The following TENM3 variants were observed in gnomAD, a reference collection of about 807,000 sequenced individuals.
TENM3 encodes teneurin-3.
In TENM3, 63 loss-of-function variants were observed where a neutral mutation model predicts 255.1. The observed-to-expected ratio is 0.25, with a 90% confidence interval of 0.20 to 0.30. TENM3 has a LOEUF of 0.30. Ranked by LOEUF, TENM3 falls within the 10% of genes least tolerant of loss-of-function variation. The pLI is 1.00. For synonymous variants in TENM3, 1,306 were observed against 1,322.3 expected (o/e 0.99, Z 0.27); for missense variants, 2,929 against 3,461.1 (o/e 0.85, Z 3.86).
chr4:181,901,298 C>T, the TENM3 span, among the ~76,000 whole-genome samples: 1 of 152,200 alleles, frequency 6.6e-6, no homozygotes, highest in Non-Finnish European at 1.5e-5. Context: ...CTACTCACGC[C>T]ACCCTAGTAA....
At chr4:181,721,599 CAAAAAAAAAAAAAAAAAA>C in the TENM3 span, among the ~76,000 whole-genome samples, 1 of 25,590 alleles carries the variant, frequency 3.9e-5, no homozygotes, top group Non-Finnish European at 6.7e-5. Context: ...GACTCCGTCT[CAAAAAAAAAAAAAAAAAA>C]AAAAAAAAGA....
the TENM3 span, among the ~76,000 whole-genome samples, chr4:182,121,952 C>A: frequency 6.6e-6 from 1 of 152,242 alleles, no homozygotes; most frequent in African/African-American, 2.4e-5. Flanking sequence ...AACCTTTCCA[C>A]TGCTTTATCA....
the TENM3 span, among the ~76,000 whole-genome samples, chr4:181,936,887 G>A: frequency 2.2e-3 from 342 of 152,166 alleles, 2 homozygotes; most frequent in African/African-American, 7.7e-3. Flanking sequence ...CGCAAAGGGG[G>A]AAAAGAAAAC....
chr4:181,945,709 A>G, the TENM3 span, among the ~76,000 whole-genome samples: 3 of 152,048 alleles, frequency 2.0e-5, no homozygotes, highest in Non-Finnish European at 2.9e-5. Flanking sequence ...GGCTTTTTAT[A>G]TTTCGTTAAT....
At chr4:182,532,625 A>T (rs965749380) in intron 3 of TENM3, among the ~76,000 whole-genome samples, 1 of 152,216 alleles carries the variant, frequency 6.6e-6, no homozygotes, top group Non-Finnish European at 1.5e-5. Flanking sequence ...CTTTCTGGCC[A>T]TTAGGGTACC....
At chr4:182,645,414 G>A (rs185832147) in intron 5 of TENM3, among the ~76,000 whole-genome samples, 62 of 152,188 alleles carry the variant, frequency 4.1e-4, no homozygotes, top group African/African-American at 1.4e-3. Flanking sequence ...AAGGACTTTG[G>A]CAAATGTCTA....
the TENM3 span, among the ~76,000 whole-genome samples, chr4:181,525,726 A>G: frequency 6.6e-6 from 1 of 152,178 alleles, no homozygotes; most frequent in Non-Finnish European, 1.5e-5. Context: ...AGCTTATTGA[A>G]TACAAATCTC....
the TENM3 span, among the ~76,000 whole-genome samples, chr4:182,043,426 G>T: frequency 6.6e-6 from 1 of 152,056 alleles, no homozygotes; most frequent in Non-Finnish European, 1.5e-5. Flanking sequence ...TTGTACAACT[G>T]CCTGTAGAAA....
chr4:181,734,165 T>A, the TENM3 span, among the ~76,000 whole-genome samples: 1 of 152,144 alleles, frequency 6.6e-6, no homozygotes, highest in African/African-American at 2.4e-5. Context: ...ACTGAATTGA[T>A]AATATTTCAG....
chr4:181,606,986 A>T, the TENM3 span, among the ~76,000 whole-genome samples: 3 of 152,214 alleles, frequency 2.0e-5, no homozygotes, highest in Non-Finnish European at 2.9e-5. Context: ...AAGAGTGGAT[A>T]GCAGCCAGCC....
At chr4:181,846,094 T>C in the TENM3 span, among the ~76,000 whole-genome samples, 1 of 152,214 alleles carries the variant, frequency 6.6e-6, no homozygotes, top group Admixed American at 6.5e-5. Flanking sequence ...TTTTCCTACA[T>C]GGTTTTTTAA....
chr4:182,290,934 C>T (rs1240589275), intron 1 of TENM3, among the ~76,000 whole-genome samples: 1 of 152,200 alleles, frequency 6.6e-6, no homozygotes, highest in Non-Finnish European at 1.5e-5. Context: ...CATCCTCCTG[C>T]CTCAGTCTCC....
At chr4:181,699,971 T>C in the TENM3 span, among the ~76,000 whole-genome samples, 2 of 152,200 alleles carry the variant, frequency 1.3e-5, no homozygotes, top group African/African-American at 4.8e-5. Context: ...CCTATTTTTT[T>C]GTTTCAGTCG....
chr4:182,741,158 A>C (rs1301915355), intron 18 of TENM3, among the ~76,000 whole-genome samples: 1 of 152,246 alleles, frequency 6.6e-6, no homozygotes, highest in Non-Finnish European at 1.5e-5. Context: ...CCTGGGTGAC[A>C]GAGCAAGACT....
chr4:181,701,762 C>T, the TENM3 span, among the ~76,000 whole-genome samples: 3 of 152,172 alleles, frequency 2.0e-5, no homozygotes, highest in Non-Finnish European at 2.9e-5. Context: ...TGTAAATCAA[C>T]GGAGCTTTCC....
chr4:182,788,694 G>A (rs1765870692), intron 24 of TENM3, among the ~76,000 whole-genome samples: 1 of 152,178 alleles, frequency 6.6e-6, no homozygotes, highest in South Asian at 2.1e-4. Context: ...TAACCGCTGT[G>A]TTTTATTTAA....
the TENM3 span, among the ~76,000 whole-genome samples, chr4:182,106,422 A>T: frequency 6.6e-6 from 1 of 152,278 alleles, no homozygotes; most frequent in Non-Finnish European, 1.5e-5. Context: ...GTTGTGCTGC[A>T]CTCCAGCCTG....
the TENM3 span, among the ~76,000 whole-genome samples, chr4:181,616,744 C>T: frequency 6.6e-6 from 1 of 152,052 alleles, no homozygotes; most frequent in African/African-American, 2.4e-5. Flanking sequence ...GTTCTAATGT[C>T]CGTGGGCAGG....
Position 182,460,043 on chromosome 4 carries a change from T to C in TENM3, c.511+113114T>C, listed in dbSNP as rs188063469. ...GGGGATGTCTCCTTCTAAATGCCTG[T>C]GGTGTACTTTAAATTCTAACGAGGT... On this transcript the variant is annotated intron_variant, in intron 3 of 27. Coordinates refer to ENST00000511685, the MANE Select transcript of TENM3 (RefSeq NM_001080477.4). Among the ~76,000 whole-genome samples the C allele has an allele frequency of 2.6e-5, 4 of 152,232 alleles. No individual in the cohort carries two copies. In the East Asian group the frequency reaches 7.7e-4, roughly 29 times the overall value.
Sources: gnomAD v4.1 joint callset for allele counts (sites outside exome capture counted in the v4.1 genomes callset) on GRCh38, gnomAD v4.1.1 for gene constraint, MANE v1.5 for transcripts, NCBI Gene and HGNC (gene_info 2026-07-23, HGNC 2026-07-21) for gene names.